The following JKAMP variants were observed in gnomAD, a reference collection of about 807,000 sequenced individuals.
The protein encoded by JKAMP is JNK1/MAPK8 associated membrane protein.
Under a neutral mutation model 40.2 loss-of-function variants are expected in JKAMP, and 20 were observed. The observed-to-expected ratio is 0.50, with a 90% CI of 0.35 to 0.72. The LOEUF is 0.72. Among genes scored for constraint, JKAMP ranks in the 30% least tolerant of loss-of-function variants. The pLI, the probability that JKAMP is intolerant of heterozygous loss-of-function variation, is 0.01. For missense variants in JKAMP, 276 were observed against 373.0 expected (o/e 0.74, Z 2.14); for synonymous variants, 138 against 131.6 (o/e 1.05, Z -0.33).
Position 59,486,745 on chromosome 14 carries a change from T to C in JKAMP, c.37T>C (p.Tyr13His). ...TATTCAACCAGCATGCCTTGGACTT[T>C]ATTGTGGGAAGACCCTATTATTTAA... is the stretch of plus-strand genomic sequence containing the variant. ...VDIQPACLGL[Y>H]CGKTLLFKNG... is the part of the protein sequence containing the mutation. The change falls in exon 2 of 7, where the codon TAT (tyrosine) becomes CAT (histidine). Residue 13 changes from tyrosine (Y) to histidine (H), a missense_variant. Transcript: ENST00000616435. 1 of 1,595,828 alleles carries C rather than the reference T, an allele frequency of 6.3e-7. No homozygotes were observed.
Position 59,505,401 on chromosome 14 carries a change from G to T in JKAMP, c.*1329G>T. 1 of 654,096 alleles carries T rather than the reference G, an allele frequency of 1.5e-6. No individual in the cohort carries two copies. Among genetic ancestry groups the T allele is most frequent in the Non-Finnish European group, 2.4e-6 (1 of 414,474 alleles). The allele number at this position is 654,096 out of a possible 1,614,324, so 40.5% of individuals were successfully genotyped here. A position where few individuals can be genotyped will look rare whatever the true frequency, so the allele number is the denominator to read the frequency against. ...TTAGTGTTCATTAAAATTCTGAGTT[G>T]CCCAAAGAATCCTCAATTGAGTAAT... On this transcript the variant is annotated 3_prime_UTR_variant, in exon 7 of 7. Transcript: ENST00000616435.
At chr14:59,495,863 A>G (rs978669905) in intron 4 of JKAMP, among the ~76,000 whole-genome samples, 1 of 151,242 alleles carries the variant, frequency 6.6e-6, no homozygotes. Flanking sequence ...AAACAACCAG[A>G]TATCTTAGAA....
At chr14:59,496,257 T>C (rs1411179611) in intron 4 of JKAMP, among the ~76,000 whole-genome samples, 1 of 150,678 alleles carries the variant, frequency 6.6e-6, no homozygotes, top group African/African-American at 2.4e-5. Flanking sequence ...TATATATATA[T>C]AGCTATAATT....
chr14:59,501,324 A>G lies in JKAMP; in HGVS notation c.717+57A>G. 3.7e-6 allele frequency: 4 copies of G among 1,067,458 alleles called. No homozygotes were observed. The South Asian group carries it at 5.3e-5, about 14-fold the overall frequency. 66.1% of individuals were successfully genotyped at this position (1,067,458 alleles called of 1,614,324 possible). On this transcript the variant is annotated intron_variant, in intron 6 of 6. Transcript: ENST00000616435. ...TTTTTGATAAATTTGACAATTCAAT[A>G]TCAGAATAGTCCATATGATATGATA...
At chr14:59,496,802 T>A (rs1891485233) in intron 4 of JKAMP, among the ~76,000 whole-genome samples, 1 of 152,210 alleles carries the variant, frequency 6.6e-6, no homozygotes, top group Non-Finnish European at 1.5e-5. Context: ...CCAACAGTCA[T>A]TGTAGAACAG....
intron 3 of JKAMP, among the ~76,000 whole-genome samples, chr14:59,488,730 G>T (rs1026765175): frequency 1.3e-5 from 2 of 152,126 alleles, no homozygotes; most frequent in Non-Finnish European, 2.9e-5. Flanking sequence ...AACTTCTCAG[G>T]ATCTTTCCTA....
rs202226150 is a variant in JKAMP at position 59,495,171 on chromosome 14, A to G, written c.405A>G (p.Pro135=). The G allele has an allele frequency of 1.4e-4, 225 of 1,613,806 alleles. No individual in the cohort carries two copies. In the African/African-American group the frequency reaches 2.4e-3, roughly 17 times the overall value. ...ACTGGTACACGATGCTTTACAACCC[A>G]AGTCCAGATTACGTTACCACAGTAC... ...LSDWYTMLYN[P]SPDYVTTVHC... The change falls in exon 4 of 7, where the codon CCA becomes CCG. Residue 135 remains proline, a synonymous_variant. Transcript: ENST00000616435.
intron 3 of JKAMP, 56 bp downstream of exon 3, chr14:59,487,884 T>C: frequency 6.9e-7 from 1 of 1,459,836 alleles, no homozygotes; most frequent in Non-Finnish European, 9.6e-7. Context: ...TAATTATCAC[T>C]CAGAAGACCT....
At chr14:59,489,856 C>T (rs144342887) in intron 3 of JKAMP, among the ~76,000 whole-genome samples, 3 of 150,990 alleles carry the variant, frequency 2.0e-5, no homozygotes, top group Admixed American at 6.6e-5. Flanking sequence ...AGGGGAACCA[C>T]ATGGTGATAG....
intron 5 of JKAMP, among the ~76,000 whole-genome samples, chr14:59,499,857 C>G (rs1203458161): frequency 6.6e-6 from 1 of 152,200 alleles, no homozygotes; most frequent in Non-Finnish European, 1.5e-5. Context: ...ATAGTTCCCT[C>G]TAGCTCCTCT....
At chr14:59,484,821 C>CT in intron 1 of JKAMP, 1 of 967,450 alleles carries the variant, frequency 1.0e-6, no homozygotes, top group Non-Finnish European at 1.5e-6. Context: ...AATGCCAGGT[C>CT]TTTGTTGTTT....
At chr14:59,485,910 C>T (rs1350535538) in intron 1 of JKAMP, 2 of 152,092 alleles carry the variant, frequency 1.3e-5, no homozygotes, top group East Asian at 1.9e-4. Flanking sequence ...GCCACCTCAC[C>T]GAGCCTGTTT....
chr14:59,486,523 C>T (rs1255645386), intron 1 of JKAMP, among the ~76,000 whole-genome samples, 190 bp from the exon 2 acceptor site: 6 of 152,160 alleles, frequency 3.9e-5, no homozygotes, highest in African/African-American at 1.4e-4. Flanking sequence ...AGCAAGGTTC[C>T]AGGATAACTG....
intron 3 of JKAMP, among the ~76,000 whole-genome samples, chr14:59,490,376 A>C (rs1042129238): frequency 6.6e-6 from 1 of 152,170 alleles, no homozygotes; most frequent in Non-Finnish European, 1.5e-5. Context: ...TTACATTTCA[A>C]CATGAGATTT....
chr14:59,503,814 A>C, intron 6 of JKAMP, 40 bp from the exon 7 acceptor site: 1 of 1,260,614 alleles, frequency 7.9e-7, no homozygotes, highest in Non-Finnish European at 1.2e-6. Flanking sequence ...TAGCCTGATA[A>C]TCTGTATTTC....
intron 3 of JKAMP, among the ~76,000 whole-genome samples, chr14:59,493,291 T>C (rs950686394): frequency 1.3e-5 from 2 of 152,168 alleles, no homozygotes; most frequent in Non-Finnish European, 2.9e-5. Context: ...AAGGCACACC[T>C]GTTAACAGCC....
intron 1 of JKAMP, chr14:59,484,983 A>G: frequency 6.4e-7 from 1 of 1,573,504 alleles, no homozygotes; most frequent in Non-Finnish European, 8.5e-7. Flanking sequence ...TTCAACCTCA[A>G]ACGTAGATTT....
At chr14:59,492,606 A>G (rs1891104690) in intron 3 of JKAMP, among the ~76,000 whole-genome samples, 2 of 152,204 alleles carry the variant, frequency 1.3e-5, no homozygotes, top group Non-Finnish European at 2.9e-5. Flanking sequence ...GGCAAGGATC[A>G]TTTGTATCAT....
intron 3 of JKAMP, among the ~76,000 whole-genome samples, chr14:59,490,441 G>A (rs17255807): frequency 0.035 from 5,260 of 152,310 alleles, 156 homozygotes; most frequent in Middle Eastern, 0.1. Context: ...TCGTTTATTG[G>A]TGAAGGTCTG....
Sources: gnomAD v4.1 joint callset for allele counts (sites outside exome capture counted in the v4.1 genomes callset) on GRCh38, gnomAD v4.1.1 for gene constraint, MANE v1.5 for transcripts, NCBI Gene and HGNC (gene_info 2026-07-23, HGNC 2026-07-21) for gene names.